REEP6: variants seen among roughly 807,000 people sequenced by gnomAD.
REEP6 encodes the protein receptor expression-enhancing protein 6.
A neutral mutation model predicts 22.4 loss-of-function variants in REEP6; 19 were observed. That is an observed-to-expected ratio of 0.85 (90% CI 0.59 to 1.25). The LOEUF is 1.25. Among genes scored for constraint, REEP6 ranks in the 50% most tolerant of loss-of-function variants. REEP6 has a pLI of 0.00. For missense variants in REEP6, 273 were observed against 251.9 expected (o/e 1.08, Z -0.57); for synonymous variants, 121 against 113.6 (o/e 1.06, Z -0.41).
Position 1,491,960 on chromosome 19 carries a change from T to A in REEP6, c.115+576T>A, listed in dbSNP as rs1292413961. 6.6e-6 allele frequency among the ~76,000 whole-genome samples: 1 copy of A among 152,154 alleles called. No individual in the cohort carries two copies. Among genetic ancestry groups the A allele is most frequent in the African/African-American group, 2.4e-5 (1 of 41,424 alleles). On this transcript the variant is annotated intron_variant, in intron 1 of 4. Transcript: ENST00000233596. This position sits in a 1 kb window ranked among gnomAD's most constrained non-coding sequence, Gnocchi z 5.4. ...CGGCTGTGATGTGGGGAGGCTGGAC[T>A]GGGGCCCACAGAGCCGGAGATCCAG...
At chr19:1,493,589 A>C (rs2145475397) in intron 1 of REEP6, among the ~76,000 whole-genome samples, 1 of 151,064 alleles carries the variant, frequency 6.6e-6, no homozygotes, top group South Asian at 2.1e-4. Flanking sequence ...ACCCACCCCC[A>C]GTTTTGGCTG....
At chr19:1,493,170 G>A (rs745771161) in intron 1 of REEP6, among the ~76,000 whole-genome samples, 12 of 152,010 alleles carry the variant, frequency 7.9e-5, no homozygotes, top group Non-Finnish European at 4.4e-5. Flanking sequence ...TCATCCTCCC[G>A]TCGCTGAAGC....
At chr19:1,494,232 G>T (rs552132035) in intron 1 of REEP6, among the ~76,000 whole-genome samples, 1 of 152,164 alleles carries the variant, frequency 6.6e-6, no homozygotes, top group Non-Finnish European at 1.5e-5. Flanking sequence ...GTGCACACCC[G>T]ACCAAAGGGC....
In REEP6 at chr19:1,497,526, C is replaced by G; in HGVS notation, c.*315C>G. Reference sequence around the variant, plus strand: ...CCACTGGTCTCGGCAACACACCCAGCCGCCTGGTACTTCCTCCAGCCCCTC... The same window carrying G: ...CCACTGGTCTCGGCAACACACCCAGGCGCCTGGTACTTCCTCCAGCCCCTC... On this transcript the variant is annotated 3_prime_UTR_variant, in exon 5 of 5. Transcript: ENST00000233596. The surrounding 1 kb of genome is among the most constrained non-coding windows in gnomAD (Gnocchi z 6.5). 1 of 644,584 alleles carries G rather than the reference C, an allele frequency of 1.6e-6. No individual in the cohort carries two copies. Among genetic ancestry groups the G allele is most frequent in the South Asian group, 1.5e-5 (1 of 66,056 alleles). 39.9% of individuals were successfully genotyped at this position (644,584 alleles called of 1,614,324 possible). A position where few individuals can be genotyped will look rare whatever the true frequency, so the allele number is the denominator to read the frequency against.
intron 1 of REEP6, among the ~76,000 whole-genome samples, chr19:1,495,070 C>G (rs60229592): frequency 0.011 from 1,612 of 152,330 alleles, 28 homozygotes; most frequent in African/African-American, 0.036. Flanking sequence ...CTCTCAACCC[C>G]GGTGGGGGAC....
rs770429286 is a variant in REEP6 at position 1,496,630 on chromosome 19, C to G, written c.517+177C>G. The G allele has an allele frequency of 1.4e-5, 12 of 865,410 alleles. No individual in the cohort carries two copies. In the African/African-American group the frequency reaches 1.8e-4, roughly 13 times the overall value. 53.6% of individuals were successfully genotyped at this position (865,410 alleles called of 1,614,324 possible). On this transcript the variant is annotated intron_variant, in intron 4 of 4. Coordinates refer to ENST00000233596, the MANE Select transcript of REEP6 (RefSeq NM_138393.4). ...GCCCGTAGCCGGGCAGGCATCACCC[C>G]GGTGGCTGTGGCCGGGCCCTCCACT...
In REEP6 at chr19:1,491,398, G is replaced by C; in HGVS notation, c.115+14G>C. 1 of 1,406,684 alleles carries C rather than the reference G, an allele frequency of 7.1e-7. No homozygotes were observed. Among genetic ancestry groups the C allele is most frequent in the South Asian group, 1.6e-5 (1 of 64,434 alleles). The allele number at this position is 1,406,684 out of a possible 1,614,324, so 87.1% of individuals were successfully genotyped here. A position where few individuals can be genotyped will look rare whatever the true frequency, so the allele number is the denominator to read the frequency against. ...ATCTGGCTGCAGGTGAGCCGTCGGCGCTAGCCCGTTTCGCCGACGGGCACA... is the reference window on the plus strand; with the variant it reads ...ATCTGGCTGCAGGTGAGCCGTCGGCCCTAGCCCGTTTCGCCGACGGGCACA... On this transcript the variant is annotated intron_variant, in intron 1 of 4. Transcript: ENST00000233596. The surrounding 1 kb of genome is among the most constrained non-coding windows in gnomAD (Gnocchi z 5.4).
chr19:1,493,096 CCCCAGT>C (rs2084979540), intron 1 of REEP6, among the ~76,000 whole-genome samples: 1 of 152,176 alleles, frequency 6.6e-6, no homozygotes, highest in African/African-American at 2.4e-5. Context: ...CCCTGCCCAC[CCCCAGT>C]CCCATCTGCT....
chr19:1,493,072 C>T (rs770699070), intron 1 of REEP6, among the ~76,000 whole-genome samples: 4 of 152,176 alleles, frequency 2.6e-5, no homozygotes, highest in Non-Finnish European at 5.9e-5. Flanking sequence ...CTGTCTGAAG[C>T]ATACAGTCCT....
chr19:1,494,564 G>T (rs781310150), intron 1 of REEP6, among the ~76,000 whole-genome samples: 4 of 152,180 alleles, frequency 2.6e-5, no homozygotes, highest in Non-Finnish European at 4.4e-5. Context: ...GCCTTTCTCA[G>T]CTCTAGAATC....
At chr19:1,493,566 T>C (rs2084982959) in intron 1 of REEP6, among the ~76,000 whole-genome samples, 1 of 151,826 alleles carries the variant, frequency 6.6e-6, no homozygotes, top group Admixed American at 6.6e-5. Flanking sequence ...CTGTGTGACC[T>C]TGGGCAACAC....
intron 1 of REEP6, among the ~76,000 whole-genome samples, chr19:1,494,330 G>A (rs576229071): frequency 1.6e-4 from 24 of 152,184 alleles, no homozygotes; most frequent in Admixed American, 8.5e-4. Context: ...CCCCCACCCC[G>A]CCCCAGGGGA....
rs1287862519 is a variant in REEP6, at chr19:1,491,212, G to A, written c.-58G>A. The A allele has an allele frequency of 3.3e-6, 4 of 1,225,644 alleles. No individual in the cohort carries two copies. Among genetic ancestry groups the A allele is most frequent in the Non-Finnish European group, 4.4e-6 (4 of 912,284 alleles). 75.9% of individuals were successfully genotyped at this position (1,225,644 alleles called of 1,614,324 possible). On this transcript the variant is annotated 5_prime_UTR_variant, in exon 1 of 5. Transcript: ENST00000233596. This position sits in a 1 kb window ranked among gnomAD's most constrained non-coding sequence, Gnocchi z 5.4. Reference sequence around the variant, plus strand: ...CGGGAAAGCGGTGCGCGTGCAGCGGGGTGGGTGCCCTGGTCCGCGGGCGAG... The same window carrying A: ...CGGGAAAGCGGTGCGCGTGCAGCGGAGTGGGTGCCCTGGTCCGCGGGCGAG...
Position 1,497,098 on chromosome 19 carries a change from C to CA in REEP6, c.518-75dup. 2 of 1,201,946 alleles carry CA rather than the reference C, an allele frequency of 1.7e-6. No individual in the cohort carries two copies. The highest frequency in any genetic ancestry group is 3.2e-5 in the South Asian group (2 of 61,850). 74.5% of individuals were successfully genotyped at this position (1,201,946 alleles called of 1,614,324 possible). ...TTGTCATGCTCATAGCCAGTAGCCT[C>CA]AGTCCCGCCTGCGAGCAGCTCCGGG... On this transcript the variant is annotated intron_variant, in intron 4 of 4. Coordinates refer to ENST00000233596, the MANE Select transcript of REEP6 (RefSeq NM_138393.4). This position sits in a 1 kb window ranked among gnomAD's most constrained non-coding sequence, Gnocchi z 6.5.
chr19:1,494,256 G>A (rs1356565130), intron 1 of REEP6, among the ~76,000 whole-genome samples: 1 of 152,150 alleles, frequency 6.6e-6, no homozygotes, highest in African/African-American at 2.4e-5. Context: ...CCTCCACCCA[G>A]GGGATCGAGA....
Position 1,497,622 on chromosome 19 carries a change from G to A in REEP6, c.*411G>A, listed in dbSNP as rs963369010. 1.2e-5 allele frequency: 6 copies of A among 504,422 alleles called. No individual in the cohort carries two copies. Among genetic ancestry groups the A allele is most frequent in the Admixed American group, 1.2e-4 (5 of 43,448 alleles). The allele number at this position is 504,422 out of a possible 1,614,324, so 31.2% of individuals were successfully genotyped here. On this transcript the variant is annotated 3_prime_UTR_variant, in exon 5 of 5. Transcript: ENST00000233596. This position sits in a 1 kb window ranked among gnomAD's most constrained non-coding sequence, Gnocchi z 6.5. ...CACCTCCAGCCCGGTCTCACCCATG[G>A]TCCAGTCTCCCAGCAGCAGCAACAT... is the stretch of plus-strand genomic sequence containing the variant.
intron 3 of REEP6, chr19:1,495,901 G>A: frequency 1.8e-6 from 1 of 562,526 alleles, no homozygotes; most frequent in Admixed American, 3.2e-5. Context: ...GTCTGATGGT[G>A]GAGACCCAAG....
Position 1,496,272 on chromosome 19 carries a change from C to T in REEP6, c.349-13C>T, listed in dbSNP as rs755827637. On this transcript the variant is annotated splice_polypyrimidine_tract_variant and intron_variant, in intron 3 of 4. Coordinates refer to ENST00000233596, the MANE Select transcript of REEP6 (RefSeq NM_138393.4). The stretch of plus-strand genomic sequence containing the variant: ...TGGGTGGGCCCGCGTGTAACTCCTG[C>T]CCCGCCCTGCAGTGCGCCTTCCTGT... 2 of 1,594,522 alleles carry T rather than the reference C, an allele frequency of 1.3e-6. No homozygotes were observed. Among genetic ancestry groups the T allele is most frequent in the Admixed American group, 1.7e-5 (1 of 59,684 alleles).
intron 1 of REEP6, among the ~76,000 whole-genome samples, chr19:1,492,584 T>A (rs1315286013): frequency 6.6e-6 from 1 of 152,166 alleles, no homozygotes; most frequent in Admixed American, 6.6e-5. Flanking sequence ...CTTCCGTTTG[T>A]GTGGTGCTCC....
Sources: gnomAD v4.1 joint callset for allele counts (sites outside exome capture counted in the v4.1 genomes callset) on GRCh38, gnomAD v4.1.1 for gene constraint, Gnocchi (gnomAD v3.1) non-coding constraint, MANE v1.5 for transcripts, NCBI Gene and HGNC (gene_info 2026-07-23, HGNC 2026-07-21) for gene names.